Variants in PTPRK observed in about 807,000 individuals in gnomAD.
PTPRK encodes protein tyrosine phosphatase receptor type K, also known as receptor-type tyrosine-protein phosphatase kappa.
PTPRK carries 75 observed loss-of-function variants against 178.0 expected under a neutral mutation model. The observed-to-expected ratio is 0.42, with a 90% confidence interval of 0.35 to 0.51. PTPRK has a LOEUF of 0.51. Ranked by LOEUF, PTPRK falls within the 20% of genes least tolerant of loss-of-function variation. PTPRK has a pLI of 0.02. For missense variants in PTPRK, 1,441 were observed against 1,797.8 expected (o/e 0.80, Z 3.59); for synonymous variants, 637 against 620.6 (o/e 1.03, Z -0.39).
Position 128,240,140 on chromosome 6 carries a change from A to G in PTPRK, c.588T>C (p.Pro196=), listed in dbSNP as rs748473449. The G allele has an allele frequency of 5.6e-6, 9 of 1,611,438 alleles. No individual in the cohort carries two copies. In the Admixed American group the frequency reaches 1.5e-4, roughly 27 times the overall value. ...QVLSYPCDKS[P]HFLRLGDVEV... ...CTACATCCCCTAGACGGAGGAAATGAGGAGATTTATCTGTGAAGGAAGGGA... is the reference window on the plus strand; with the variant it reads ...CTACATCCCCTAGACGGAGGAAATGGGGAGATTTATCTGTGAAGGAAGGGA... The change falls in exon 5 of 30, where the codon CCT becomes CCC. Residue 196 remains proline (P), a synonymous_variant. Coordinates refer to ENST00000368226, the MANE Select transcript of PTPRK (RefSeq NM_002844.4).
chr6:128,298,024 T>C (rs571165434), intron 3 of PTPRK, among the ~76,000 whole-genome samples: 9 of 151,814 alleles, frequency 5.9e-5, no homozygotes, highest in Admixed American at 1.3e-4. Flanking sequence ...ATAGATGCAA[T>C]AAAAAATGAT....
chr6:128,322,133 A>AG lies in PTPRK; in HGVS notation c.400dup (p.Leu134ProfsTer14). ...AGTCACATTCCAAATTGGATTGGCAAGAGGTCCTTTATTCACCCTAACTAA... is the reference window on the plus strand; with the variant it reads ...AGTCACATTCCAAATTGGATTGGCAAGGAGGTCCTTTATTCACCCTAACTAA... On this transcript the variant is annotated frameshift_variant, in exon 3 of 30. Coordinates refer to ENST00000368226, the MANE Select transcript of PTPRK (RefSeq NM_002844.4). LOFTEE classifies it high-confidence loss of function. 2 of 1,613,946 alleles carry AG rather than the reference A, an allele frequency of 1.2e-6. No homozygotes were observed. Among genetic ancestry groups the AG allele is most frequent in the Non-Finnish European group, 1.7e-6 (2 of 1,179,908 alleles).
chr6:128,322,823 G>T (rs928718862), intron 2 of PTPRK, among the ~76,000 whole-genome samples: 1 of 152,016 alleles, frequency 6.6e-6, no homozygotes, highest in Non-Finnish European at 1.5e-5. Context: ...TTTCGTATTG[G>T]AAAATCATCA....
chr6:128,367,642 C>T (rs577797216), intron 2 of PTPRK, among the ~76,000 whole-genome samples: 14 of 152,178 alleles, frequency 9.2e-5, no homozygotes, highest in Non-Finnish European at 1.5e-4. Context: ...GACTAATCTC[C>T]GAATCAAGTG....
chr6:128,440,674 A>G (rs1467983016), intron 1 of PTPRK, among the ~76,000 whole-genome samples: 1 of 152,164 alleles, frequency 6.6e-6, no homozygotes, highest in Non-Finnish European at 1.5e-5. Context: ...AGTACACTAT[A>G]TGTGCTGTCA....
At chr6:128,381,061 C>T (rs1421098197) in intron 2 of PTPRK, among the ~76,000 whole-genome samples, 2 of 152,096 alleles carry the variant, frequency 1.3e-5, no homozygotes, top group African/African-American at 2.4e-5. Context: ...GTGTGAGATA[C>T]TTTTAACAAT....
At chr6:128,389,067 G>A (rs1049524039) in intron 2 of PTPRK, among the ~76,000 whole-genome samples, 12 of 152,070 alleles carry the variant, frequency 7.9e-5, no homozygotes, top group Admixed American at 5.9e-4. Flanking sequence ...AATCAGCATG[G>A]CTAGGTGGAG....
chr6:128,252,682 G>A (rs1191134657), intron 3 of PTPRK, among the ~76,000 whole-genome samples: 1 of 152,018 alleles, frequency 6.6e-6, no homozygotes, highest in Non-Finnish European at 1.5e-5. Context: ...ACACACACAA[G>A]CACACCCACT....
intron 7 of PTPRK, among the ~76,000 whole-genome samples, chr6:128,180,171 C>A (rs1306829693): frequency 3.3e-5 from 5 of 151,894 alleles, no homozygotes; most frequent in Non-Finnish European, 2.9e-5. Flanking sequence ...TTTTAACATG[C>A]AATTGCCAAA....
At chr6:128,191,239 C>T (rs1386119019) in intron 6 of PTPRK, among the ~76,000 whole-genome samples, 1 of 152,082 alleles carries the variant, frequency 6.6e-6, no homozygotes, top group Non-Finnish European at 1.5e-5. Flanking sequence ...TTCAGCTAAA[C>T]AGAGTTTCTT....
At chr6:128,287,085 C>T in intron 3 of PTPRK, among the ~76,000 whole-genome samples, 1 of 152,068 alleles carries the variant, frequency 6.6e-6, no homozygotes, top group East Asian at 1.9e-4. Flanking sequence ...TGTGCATCTT[C>T]TTTCTCTCCA....
chr6:128,448,838 TTTTG>T (rs547128042), intron 1 of PTPRK, among the ~76,000 whole-genome samples: 71 of 152,112 alleles, frequency 4.7e-4, no homozygotes, highest in African/African-American at 1.0e-3. Flanking sequence ...GCCATGCCAG[TTTTG>T]TTTGTTTGTC....
rs1172450853 is a variant in PTPRK at position 128,520,424 on chromosome 6, A to C, written c.-66T>G. 6.8e-6 allele frequency: 10 copies of C among 1,479,502 alleles called. No individual in the cohort carries two copies. In the East Asian group the frequency reaches 7.4e-5, roughly 11 times the overall value. 91.6% of individuals were successfully genotyped at this position (1,479,502 alleles called of 1,614,324 possible). Reference sequence around the variant, plus strand: ...TGCCGGGGGGATCGCCGCGAAATCCACGACGGAGGAGCGGGCCGGGCCTCG... The same window carrying C: ...TGCCGGGGGGATCGCCGCGAAATCCCCGACGGAGGAGCGGGCCGGGCCTCG... On this transcript the variant is annotated 5_prime_UTR_variant, in exon 1 of 30. Transcript: ENST00000368226.
At chr6:128,368,033 T>G (rs2128346673) in intron 2 of PTPRK, among the ~76,000 whole-genome samples, 1 of 152,278 alleles carries the variant, frequency 6.6e-6, no homozygotes, top group East Asian at 1.9e-4. Context: ...TAAAAAATAA[T>G]GCAAAATGCA....
intron 3 of PTPRK, among the ~76,000 whole-genome samples, chr6:128,280,213 T>C (rs1459598129): frequency 6.6e-6 from 1 of 152,134 alleles, no homozygotes; most frequent in East Asian, 1.9e-4. Flanking sequence ...TCATCAAGCT[T>C]CTTGGTAACC....
At chr6:128,397,303 G>T (rs1318262017) in intron 2 of PTPRK, among the ~76,000 whole-genome samples, 5 of 150,048 alleles carry the variant, frequency 3.3e-5, no homozygotes, top group African/African-American at 1.2e-4. Context: ...TTTATTTTTT[G>T]ATTTTTGGTT....
intron 1 of PTPRK, among the ~76,000 whole-genome samples, chr6:128,461,315 G>C (rs1849024979): frequency 6.6e-6 from 1 of 151,146 alleles, no homozygotes; most frequent in East Asian, 1.9e-4. Flanking sequence ...ACATCACTGT[G>C]GTATAAAGGA....
Position 128,087,994 on chromosome 6 carries a change from CA to C in PTPRK, c.1465+1695del, listed in dbSNP as rs1200162728. ...TGGCAAGCTAATAGAAGGTAGGCAC[CA>C]AAAGACACACCTGATCTAAAATTCA... On this transcript the variant is annotated intron_variant, in intron 8 of 29. Coordinates refer to ENST00000368226, the MANE Select transcript of PTPRK (RefSeq NM_002844.4). 8.5e-5 allele frequency among the ~76,000 whole-genome samples: 13 copies of C among 152,210 alleles called. No homozygotes were observed. The East Asian group carries it at 2.3e-3, about 27-fold the overall frequency.
chr6:128,418,205 C>T (rs545244183), intron 1 of PTPRK, among the ~76,000 whole-genome samples: 2 of 152,198 alleles, frequency 1.3e-5, no homozygotes, highest in Non-Finnish European at 2.9e-5. Context: ...TCCCCACCCT[C>T]GCACTCCTCA....
Sources: gnomAD v4.1 joint callset for allele counts (sites outside exome capture counted in the v4.1 genomes callset) on GRCh38, gnomAD v4.1.1 for gene constraint, MANE v1.5 for transcripts, NCBI Gene and HGNC (gene_info 2026-07-23, HGNC 2026-07-21) for gene names.